NAALAD2: variants seen among roughly 807,000 people sequenced by gnomAD.
The protein encoded by NAALAD2 is N-acetylated alpha-linked acidic dipeptidase 2, also known as N-acetylated-alpha-linked acidic dipeptidase 2.
In NAALAD2, 89 loss-of-function variants were observed where a neutral mutation model predicts 95.6. The observed-to-expected ratio is 0.93, with a 90% confidence interval of 0.78 to 1.11. The LOEUF is 1.11. Among genes scored for constraint, NAALAD2 ranks in the 50% least tolerant of loss-of-function variants. The pLI, the probability that NAALAD2 is intolerant of heterozygous loss-of-function variation, is 0.00. For synonymous variants in NAALAD2, 264 were observed against 294.4 expected, an observed-to-expected ratio of 0.90 and a Z score of 1.06; for missense variants, 894 against 872.4, an observed-to-expected ratio of 1.02 and a Z score of -0.31.
chr11:90,163,567 A>C lies in NAALAD2; in HGVS notation c.1228A>C (p.Ser410Arg), dbSNP rs1204493745. Residue 410 changes from serine to arginine, a missense_variant, in exon 11 of 19, where the codon AGC (serine) becomes CGC (arginine). Physicochemically the swap from Ser to Arg is moderately radical, Grantham distance 110 (BLOSUM62 -1). Transcript: ENST00000534061. ...ACCTAGAAGAACTATCATTTTTGCC[A>C]GCTGGGATGCAGAAGAATTTGGACT... ...WRPRRTIIFA[S>R]WDAEEFGLLG... is the part of the protein sequence containing the mutation. The C allele has an allele frequency of 1.2e-6, 2 of 1,614,100 alleles. No individual in the cohort carries two copies. Among genetic ancestry groups the C allele is most frequent in the Non-Finnish European group, 1.7e-6 (2 of 1,179,964 alleles).
intron 17 of NAALAD2, among the ~76,000 whole-genome samples, chr11:90,182,341 T>C (rs534743926): frequency 1.4e-4 from 21 of 152,132 alleles, no homozygotes; most frequent in Non-Finnish European, 2.6e-4. Flanking sequence ...ACTTCCCATA[T>C]TGGAAGAAAG....
chr11:90,161,171 C>T (rs76333132), intron 8 of NAALAD2, among the ~76,000 whole-genome samples: 6,656 of 151,388 alleles, frequency 0.044, 494 homozygotes, highest in African/African-American at 0.15. Flanking sequence ...CTGCCCATAC[C>T]TGGTTCTGCA....
chr11:90,185,603 G>A (rs774148508), intron 18 of NAALAD2, among the ~76,000 whole-genome samples: 5 of 152,134 alleles, frequency 3.3e-5, no homozygotes, highest in Non-Finnish European at 5.9e-5. Context: ...GGAGCTTGAT[G>A]TTACAGTGGA....
chr11:90,169,568 A>C (rs2052760547), intron 12 of NAALAD2: 1 of 153,788 alleles, frequency 6.5e-6, no homozygotes, highest in South Asian at 2.1e-4. Flanking sequence ...CGCCAACAGG[A>C]CTTGATTTCT....
At chr11:90,161,012 T>A (rs1375628767) in intron 8 of NAALAD2, among the ~76,000 whole-genome samples, 1 of 152,188 alleles carries the variant, frequency 6.6e-6, no homozygotes. Flanking sequence ...ACTAACTTAA[T>A]TTGCCCTAAG....
intron 13 of NAALAD2, among the ~76,000 whole-genome samples, chr11:90,172,417 T>G (rs1054279549): frequency 6.6e-6 from 1 of 152,154 alleles, no homozygotes; most frequent in Non-Finnish European, 1.5e-5. Context: ...ACTTGAAGGC[T>G]GATGAGGGCT....
chr11:90,184,574 CTATCTT>C lies in NAALAD2; in HGVS notation c.2033+1570_2033+1575del, dbSNP rs561582016. The stretch of plus-strand genomic sequence containing the variant: ...AGTCCTCTCAGGTGTTGTTATTAGT[CTATCTT>C]TATATATTTATTTTCTATTTATTTA... On this transcript the variant is annotated intron_variant, in intron 18 of 18. Coordinates refer to ENST00000534061, the MANE Select transcript of NAALAD2 (RefSeq NM_005467.4). Among the ~76,000 whole-genome samples, 6 of 151,964 alleles carry C rather than the reference CTATCTT, an allele frequency of 3.9e-5. No individual in the cohort carries two copies. In the South Asian group the frequency reaches 1.2e-3, roughly 31 times the overall value.
In NAALAD2 at chr11:90,177,818, GTTTA is replaced by G. The variant is rs753657934; in HGVS notation, c.1594-29_1594-26del. 1.9e-4 allele frequency: 300 copies of G among 1,545,288 alleles called. 6 individuals carry two copies. In the South Asian group the frequency reaches 3.0e-3, roughly 16 times the overall value. The stretch of plus-strand genomic sequence containing the variant: ...AAATATTATAACTTGAATATTTAAT[GTTTA>G]TTTATACTTGCCTCTCCATTTTTTT... On this transcript the variant is annotated intron_variant, in intron 15 of 18. Transcript: ENST00000534061.
chr11:90,186,869 T>C (rs1209563609), intron 18 of NAALAD2, among the ~76,000 whole-genome samples: 1 of 137,830 alleles, frequency 7.3e-6, no homozygotes, highest in East Asian at 2.1e-4. Flanking sequence ...CAAAAGAAAC[T>C]ACCATCAGAG....
At chr11:90,175,851 G>T in intron 14 of NAALAD2, 121 bp from the exon 15 acceptor site, 1 of 469,932 alleles carries the variant, frequency 2.1e-6, no homozygotes, top group African/African-American at 2.0e-5. Context: ...TCTTATAAAT[G>T]TAATATATAA....
At chr11:90,144,318 G>T (rs1289271206) in intron 2 of NAALAD2, among the ~76,000 whole-genome samples, 1 of 152,142 alleles carries the variant, frequency 6.6e-6, no homozygotes, top group African/African-American at 2.4e-5. Flanking sequence ...GAAGATAAAA[G>T]AGATATATTT....
At chr11:90,162,882 T>C (rs1198836861) in intron 8 of NAALAD2, 67 bp from the exon 9 acceptor site, 5 of 913,764 alleles carry the variant, frequency 5.5e-6, no homozygotes, top group Non-Finnish European at 8.5e-6. Context: ...AAATAGTTTT[T>C]TATAATAAAA....
At chr11:90,179,474 G>A (rs1332306776) in intron 16 of NAALAD2, among the ~76,000 whole-genome samples, 1 of 151,794 alleles carries the variant, frequency 6.6e-6, no homozygotes, top group East Asian at 1.9e-4. Context: ...ATTATATAAA[G>A]GATTAGTAAT....
upstream of NAALAD2, among the ~76,000 whole-genome samples, chr11:90,133,779 C>A (rs1173802805): frequency 6.6e-6 from 1 of 152,162 alleles, no homozygotes; most frequent in Non-Finnish European, 1.5e-5. Context: ...AGACTGCAGT[C>A]CTTCTTCCTG....
chr11:90,182,779 A>G, intron 17 of NAALAD2, 137 bp from the exon 18 acceptor site: 1 of 586,604 alleles, frequency 1.7e-6, no homozygotes, highest in Non-Finnish European at 3.0e-6. Context: ...GTAAAGCATT[A>G]CTGTGTTAAT....
At chr11:90,170,457 C>G (rs1039978503) in intron 13 of NAALAD2, among the ~76,000 whole-genome samples, 2 of 152,152 alleles carry the variant, frequency 1.3e-5, no homozygotes, top group African/African-American at 4.8e-5. Flanking sequence ...AAAAAACTGT[C>G]TTAGCTACTC....
rs570003834 is a variant in NAALAD2, at chr11:90,141,585, C to G, written c.195-5745C>G. On this transcript the variant is annotated intron_variant, in intron 2 of 18. Transcript: ENST00000534061. The stretch of plus-strand genomic sequence containing the variant: ...TTGCATCCTGTGGCCTTGCTGAACT[C>G]TAAGAAGGTTTTGTTTGTTTGTTTG... Among the ~76,000 whole-genome samples, 38 of 113,212 alleles carry G rather than the reference C, an allele frequency of 3.4e-4. No homozygotes were observed. In the East Asian group the frequency reaches 9.2e-3, roughly 27 times the overall value. The allele number at this position is 113,212 out of a possible 152,430, so 74.3% of individuals were successfully genotyped here. A position where few individuals can be genotyped will look rare whatever the true frequency, so the allele number is the denominator to read the frequency against.
At chr11:90,178,702 CA>C (rs1952879195) in intron 16 of NAALAD2, among the ~76,000 whole-genome samples, 1 of 151,596 alleles carries the variant, frequency 6.6e-6, no homozygotes, top group Non-Finnish European at 1.5e-5. Flanking sequence ...GTTATAGAAA[CA>C]ATATTAGAAA....
intron 15 of NAALAD2, among the ~76,000 whole-genome samples, chr11:90,176,349 T>C (rs1952794033): frequency 6.6e-6 from 1 of 152,190 alleles, no homozygotes; most frequent in African/African-American, 2.4e-5. Flanking sequence ...TTTCCTGATT[T>C]GTCAGAAAAC....
Sources: gnomAD v4.1 joint callset for allele counts (sites outside exome capture counted in the v4.1 genomes callset) on GRCh38, gnomAD v4.1.1 for gene constraint, MANE v1.5 for transcripts, NCBI Gene and HGNC (gene_info 2026-07-23, HGNC 2026-07-21) for gene names.